The following SEMA6D variants were observed in gnomAD, a reference collection of about 807,000 sequenced individuals.
SEMA6D encodes the protein semaphorin-6D.
SEMA6D carries 35 observed loss-of-function variants against 106.6 expected under a neutral mutation model. The observed-to-expected ratio is 0.33, with a 90% CI of 0.25 to 0.44. The LOEUF (loss-of-function observed/expected upper bound fraction) is 0.44. Ranked by LOEUF, SEMA6D falls within the 20% of genes least tolerant of loss-of-function variation. The pLI is 1.00. For synonymous variants in SEMA6D, 499 were observed against 487.7 expected, an observed-to-expected ratio of 1.02 and a Z score of -0.31; for missense variants, 1,185 against 1,345.9, an observed-to-expected ratio of 0.88 and a Z score of 1.87.
intron 1 of SEMA6D, among the ~76,000 whole-genome samples, chr15:47,237,508 G>A (rs987784272): frequency 2.0e-5 from 3 of 152,040 alleles, no homozygotes; most frequent in Non-Finnish European, 4.4e-5. Context: ...AATGCACTAT[G>A]ACCGAAGGGA....
chr15:47,744,049 C>G (rs528146209), intron 1 of SEMA6D, among the ~76,000 whole-genome samples: 80 of 152,244 alleles, frequency 5.3e-4, no homozygotes, highest in African/African-American at 1.8e-3. Context: ...TTTACTAATT[C>G]AGCAAATATT....
At chr15:47,643,955 T>C (rs1049505337) in intron 4 of SEMA6D, among the ~76,000 whole-genome samples, 1 of 152,164 alleles carries the variant, frequency 6.6e-6, no homozygotes, top group Non-Finnish European at 1.5e-5. Context: ...TCTACTTCTC[T>C]ACTTCTATGG....
chr15:47,539,918 T>C (rs1236172539), intron 3 of SEMA6D, among the ~76,000 whole-genome samples: 1 of 152,134 alleles, frequency 6.6e-6, no homozygotes, highest in Non-Finnish European at 1.5e-5. Context: ...TTTTCTCATC[T>C]GTGTAAGGGA....
intron 4 of SEMA6D, among the ~76,000 whole-genome samples, chr15:47,612,811 G>T (rs919046975): frequency 2.0e-5 from 3 of 151,882 alleles, no homozygotes; most frequent in African/African-American, 7.3e-5. Context: ...TGACAAATAG[G>T]TGAGTTATTA....
At chr15:47,601,160 G>A (rs11070598) in intron 4 of SEMA6D, among the ~76,000 whole-genome samples, 150,971 of 152,238 alleles carry the variant, frequency 0.99, 74,866 homozygotes, top group Middle Eastern at 1. Flanking sequence ...TTCTTGCCCA[G>A]TCAGCCCTTT....
At chr15:47,294,389 A>G (rs1308487359) in intron 1 of SEMA6D, among the ~76,000 whole-genome samples, 3 of 151,940 alleles carry the variant, frequency 2.0e-5, no homozygotes, top group African/African-American at 7.3e-5. Flanking sequence ...ATGCCCGGCT[A>G]ATTTTTGTAT....
chr15:47,364,994 G>A (rs938031967), intron 1 of SEMA6D, among the ~76,000 whole-genome samples: 1 of 152,194 alleles, frequency 6.6e-6, no homozygotes, highest in African/African-American at 2.4e-5. Flanking sequence ...CATCCATCAA[G>A]TACAAGCATC....
intron 3 of SEMA6D, among the ~76,000 whole-genome samples, chr15:47,600,049 A>G (rs968313136): frequency 7.2e-5 from 11 of 152,212 alleles, no homozygotes; most frequent in African/African-American, 2.6e-4. Flanking sequence ...CAACCATAGC[A>G]TCACTTGGTG....
At chr15:47,299,674 A>G (rs997568763) in intron 1 of SEMA6D, among the ~76,000 whole-genome samples, 3 of 152,246 alleles carry the variant, frequency 2.0e-5, no homozygotes, top group African/African-American at 7.2e-5. Flanking sequence ...ATTCTTGATG[A>G]CAAACTACCC....
chr15:47,551,289 A>G (rs1218038278), intron 3 of SEMA6D, among the ~76,000 whole-genome samples: 1 of 151,882 alleles, frequency 6.6e-6, no homozygotes, highest in African/African-American at 2.4e-5. Context: ...TTATCTCCTG[A>G]GTTATTCCTC....
chr15:47,541,979 T>C (rs1265905423), intron 3 of SEMA6D, among the ~76,000 whole-genome samples: 9 of 152,138 alleles, frequency 5.9e-5, no homozygotes, highest in Non-Finnish European at 1.2e-4. Flanking sequence ...TTGAAACATT[T>C]TCACATTTCC....
At chr15:47,322,579 A>G (rs1272466281) in intron 1 of SEMA6D, among the ~76,000 whole-genome samples, 1 of 152,166 alleles carries the variant, frequency 6.6e-6, no homozygotes, top group Non-Finnish European at 1.5e-5. Flanking sequence ...TGATGGCTAT[A>G]CATATGTATT....
intron 3 of SEMA6D, among the ~76,000 whole-genome samples, chr15:47,480,242 C>T (rs572007147): frequency 5.3e-5 from 8 of 152,112 alleles, no homozygotes; most frequent in African/African-American, 1.7e-4. Flanking sequence ...GAACAACTTC[C>T]CCAATTTTAT....
intron 4 of SEMA6D, among the ~76,000 whole-genome samples, chr15:47,658,283 G>A (rs1005524698): frequency 7.2e-5 from 11 of 151,958 alleles, no homozygotes; most frequent in Admixed American, 1.3e-4. Flanking sequence ...TAATAGATAG[G>A]CTAAACTATT....
intron 1 of SEMA6D, among the ~76,000 whole-genome samples, chr15:47,290,477 CAG>C (rs1217434747): frequency 1.3e-5 from 2 of 152,056 alleles, no homozygotes; most frequent in Admixed American, 1.3e-4. Context: ...CTGAAAGAAA[CAG>C]ACATGTTTTT....
chr15:47,293,894 A>ATTAAGTGT (rs2035694447), intron 1 of SEMA6D, among the ~76,000 whole-genome samples: 1 of 152,208 alleles, frequency 6.6e-6, no homozygotes, highest in Admixed American at 6.5e-5. Context: ...AATATACTCA[A>ATTAAGTGT]TTAAGTGTTG....
intron 3 of SEMA6D, among the ~76,000 whole-genome samples, chr15:47,503,970 CT>C (rs1322841679): frequency 6.6e-6 from 1 of 152,184 alleles, no homozygotes; most frequent in African/African-American, 2.4e-5. Flanking sequence ...GAAAGGACAG[CT>C]CCAGTCACCT....
At chr15:47,466,830 G>T (rs1289524203) in intron 2 of SEMA6D, among the ~76,000 whole-genome samples, 1 of 149,440 alleles carries the variant, frequency 6.7e-6, no homozygotes, top group Non-Finnish European at 1.5e-5. Flanking sequence ...AGGTTCAAGT[G>T]ATTCTCCTGC....
intron 1 of SEMA6D, among the ~76,000 whole-genome samples, chr15:47,225,162 T>TATACACCCTG: frequency 6.6e-6 from 1 of 152,074 alleles, no homozygotes; most frequent in South Asian, 2.1e-4. Flanking sequence ...AGCTATTTCA[T>TATACACCCTG]ATACACCCTG....
Sources: gnomAD v4.1 joint callset for allele counts (sites outside exome capture counted in the v4.1 genomes callset) on GRCh38, gnomAD v4.1.1 for gene constraint, MANE v1.5 for transcripts, NCBI Gene and HGNC (gene_info 2026-07-23, HGNC 2026-07-21) for gene names.